Variants in PTPRB observed in about 807,000 individuals in gnomAD.
The protein encoded by PTPRB is receptor-type tyrosine-protein phosphatase beta.
PTPRB carries 97 observed loss-of-function variants against 238.1 expected under a neutral mutation model. That is an observed-to-expected ratio of 0.41 (90% CI 0.35 to 0.48). The LOEUF (loss-of-function observed/expected upper bound fraction) is 0.48, where lower values mean the gene tolerates loss of function less well. PTPRB is among the 20% of genes least tolerant of loss of function. PTPRB has a pLI of 0.30. For missense variants in PTPRB, 2,292 were observed against 2,681.9 expected (o/e 0.85, Z 3.21); for synonymous variants, 970 against 995.4 (o/e 0.97, Z 0.48).
chr12:70,547,007 C>T (rs897800156), intron 21 of PTPRB, among the ~76,000 whole-genome samples: 1 of 145,650 alleles, frequency 6.9e-6, no homozygotes, highest in Admixed American at 6.8e-5. Context: ...GAGAAGTACT[C>T]CTTTTTTTTT....
At chr12:70,524,849 A>ATG (rs1341107903) in intron 32 of PTPRB, among the ~76,000 whole-genome samples, 1 of 133,498 alleles carries the variant, frequency 7.5e-6, no homozygotes, top group Non-Finnish European at 1.5e-5. Flanking sequence ...GTGTGTATAT[A>ATG]TGTGTGTATA....
At chr12:70,629,822 A>T (rs890845502) in intron 2 of PTPRB, among the ~76,000 whole-genome samples, 1 of 152,232 alleles carries the variant, frequency 6.6e-6, no homozygotes, top group Non-Finnish European at 1.5e-5. Context: ...AAACACCTCT[A>T]TGCAAATAAA....
intron 2 of PTPRB, among the ~76,000 whole-genome samples, chr12:70,629,873 A>T (rs1224293444): frequency 6.6e-6 from 1 of 152,210 alleles, no homozygotes; most frequent in Non-Finnish European, 1.5e-5. Context: ...CTGGACTCAT[A>T]ATGTGTCCAA....
rs1874474820 is a variant in PTPRB, at chr12:70,538,205, T to A, written c.5896A>T (p.Asn1966Tyr). Residue 1966 changes from asparagine (N) to tyrosine (Y), a missense_variant, in exon 28 of 34, where the codon AAT (asparagine) becomes TAT (tyrosine). By Grantham distance (143) the Asn-to-Tyr change is moderately radical. Coordinates refer to ENST00000334414, the MANE Select transcript of PTPRB (RefSeq NM_001109754.4). ...TCAGAGCAAGGATCATCATCTACAT[T>A]GGAGAGCTTCACTCGCGTGGCATCA... is the stretch of plus-strand genomic sequence containing the variant. ...PYDATRVKLS[N>Y]VDDDPCSDYI... The A allele has an allele frequency of 1.2e-6, 2 of 1,613,602 alleles. No homozygotes were observed. The highest frequency in any genetic ancestry group is 1.7e-5 in the Admixed American group (1 of 59,920).
Position 70,524,455 on chromosome 12 carries a change from T to C in PTPRB, c.6625+16A>G. On this transcript the variant is annotated intron_variant, in intron 33 of 33. Transcript: ENST00000334414. Reference sequence around the variant, plus strand: ...TGATGAAGAAACTTGGGGAAGTAAGTGAAGTAAGTGCCCACCTCTGTGATA... The same window carrying C: ...TGATGAAGAAACTTGGGGAAGTAAGCGAAGTAAGTGCCCACCTCTGTGATA... 6.3e-7 allele frequency: 1 copy of C among 1,586,180 alleles called. No homozygotes were observed. The highest frequency in any genetic ancestry group is 8.6e-7 in the Non-Finnish European group (1 of 1,165,446).
At chr12:70,525,200 T>C (rs1872247774) in intron 32 of PTPRB, among the ~76,000 whole-genome samples, 1 of 152,164 alleles carries the variant, frequency 6.6e-6, no homozygotes, top group Non-Finnish European at 1.5e-5. Flanking sequence ...GTCACACAGC[T>C]AAGAAATGGG....
chr12:70,588,180 A>G lies in PTPRB; in HGVS notation c.2051-913T>C, dbSNP rs1053874987. ...AATTATGAAAGAATCAAGTATTAAA[A>G]ATTTTCTTGTAAATTTTGCATCCAT... On this transcript the variant is annotated intron_variant, in intron 8 of 33. Transcript: ENST00000334414. 2.0e-5 allele frequency among the ~76,000 whole-genome samples: 3 copies of G among 152,224 alleles called. No individual in the cohort carries two copies. In the East Asian group the frequency reaches 5.8e-4, roughly 29 times the overall value.
At chr12:70,591,105 T>TTC (rs1882454482) in intron 7 of PTPRB, among the ~76,000 whole-genome samples, 1 of 150,202 alleles carries the variant, frequency 6.7e-6, no homozygotes. Context: ...TAATTAATTT[T>TTC]TTTTTTTTTT....
intron 4 of PTPRB, among the ~76,000 whole-genome samples, chr12:70,602,027 T>C (rs10879169): frequency 0.22 from 33,417 of 151,816 alleles, 3,819 homozygotes; most frequent in East Asian, 0.32. Flanking sequence ...GATCTCCTGA[T>C]GTTGTGATCT....
Position 70,552,772 on chromosome 12 carries a change from C to T in PTPRB, c.5387+5G>A. 2 of 1,613,780 alleles carry T rather than the reference C, an allele frequency of 1.2e-6. No individual in the cohort carries two copies. The highest frequency in any genetic ancestry group is 1.1e-5 in the South Asian group (1 of 91,038). The stretch of plus-strand genomic sequence containing the variant: ...TTCTAGCAAAACAGTGGTAATATAT[C>T]TAACCTGTAGGCAGTGTGTGGCTTC... On this transcript the variant is annotated splice_donor_5th_base_variant and intron_variant, in intron 21 of 33. Transcript: ENST00000334414.
At chr12:70,537,942 A>C (rs1350837105) in intron 28 of PTPRB, 1 of 472,912 alleles carries the variant, frequency 2.1e-6, no homozygotes, top group Non-Finnish European at 3.7e-6. Context: ...TCTTGGGCTC[A>C]TAATTTCATT....
chr12:70,615,309 C>G (rs1884628018), intron 3 of PTPRB, among the ~76,000 whole-genome samples: 1 of 151,950 alleles, frequency 6.6e-6, no homozygotes, highest in Admixed American at 6.6e-5. Context: ...GATCAACACC[C>G]AAAGACATTT....
chr12:70,534,102 C>A (rs1191640473), intron 31 of PTPRB, among the ~76,000 whole-genome samples: 2 of 152,118 alleles, frequency 1.3e-5, no homozygotes, highest in Non-Finnish European at 2.9e-5. Flanking sequence ...CAAGAATAAG[C>A]TTGTGTGCTC....
In PTPRB at chr12:70,539,937, A is replaced by G; in HGVS notation, c.5678+2T>C. The G allele has an allele frequency of 6.2e-7, 1 of 1,605,318 alleles. No homozygotes were observed. Among genetic ancestry groups the G allele is most frequent in the Non-Finnish European group, 8.5e-7 (1 of 1,172,032 alleles). Reference sequence around the variant, plus strand: ...TTATACGAAGGCAAATGTGGTGCTTACCCTTTCTGGCCCAGGTTTAAGTGG... The same window carrying G: ...TTATACGAAGGCAAATGTGGTGCTTGCCCTTTCTGGCCCAGGTTTAAGTGG... On this transcript the variant is annotated splice_donor_variant, in intron 24 of 33. Transcript: ENST00000334414. LOFTEE classifies it high-confidence loss of function.
At chr12:70,615,465 C>T (rs1884637558) in intron 3 of PTPRB, among the ~76,000 whole-genome samples, 1 of 152,170 alleles carries the variant, frequency 6.6e-6, no homozygotes, top group African/African-American at 2.4e-5. Flanking sequence ...TTTTTTCCCA[C>T]ACCCATTTAT....
Position 70,562,923 on chromosome 12 carries a change from T to A in PTPRB, c.4089A>T (p.Leu1363=). ...LVQSFSFQNL[L]QGRMYKMVIV... is the part of the protein sequence containing the mutation. ...TCACCATCTTGTACATTCTGCCTTG[T>A]AGCAAGTTCTGGAAAGAGAAGCTCT... The change falls in exon 16 of 34, where the codon CTA becomes CTT. Residue 1363 remains leucine (L), a synonymous_variant. Coordinates refer to ENST00000334414, the MANE Select transcript of PTPRB (RefSeq NM_001109754.4). 6.2e-7 allele frequency: 1 copy of A among 1,614,018 alleles called. No individual in the cohort carries two copies. Among genetic ancestry groups the A allele is most frequent in the Non-Finnish European group, 8.5e-7 (1 of 1,179,896 alleles).
At chr12:70,555,842 C>T in intron 19 of PTPRB, 28 bp downstream of exon 19, 2 of 1,607,302 alleles carry the variant, frequency 1.2e-6, no homozygotes, top group Non-Finnish European at 1.7e-6. Context: ...TGACAGGAGG[C>T]TCTGTGCGCA....
chr12:70,612,933 G>A (rs937881830), intron 3 of PTPRB, among the ~76,000 whole-genome samples: 3 of 152,138 alleles, frequency 2.0e-5, no homozygotes, highest in East Asian at 1.9e-4. Flanking sequence ...GTTGCCATAA[G>A]CCCAGATTGT....
intron 3 of PTPRB, among the ~76,000 whole-genome samples, chr12:70,612,407 C>G (rs1267745301): frequency 3.3e-5 from 5 of 152,170 alleles, no homozygotes; most frequent in African/African-American, 1.2e-4. Context: ...TTTGAAACTA[C>G]TGGACAAAGT....
Sources: gnomAD v4.1 joint callset for allele counts (sites outside exome capture counted in the v4.1 genomes callset) on GRCh38, gnomAD v4.1.1 for gene constraint, MANE v1.5 for transcripts, NCBI Gene and HGNC (gene_info 2026-07-23, HGNC 2026-07-21) for gene names.